Variants in CCDC141 observed in about 807,000 individuals in gnomAD.
CCDC141 encodes the protein coiled-coil domain-containing protein 141.
CCDC141 carries 168 observed loss-of-function variants against 181.0 expected under a neutral mutation model. The observed-to-expected ratio is 0.93, with a 90% confidence interval of 0.82 to 1.05. The LOEUF (loss-of-function observed/expected upper bound fraction) is 1.05, where lower values mean the gene tolerates loss of function less well. Ranked by LOEUF, CCDC141 falls within the 50% of genes least tolerant of loss-of-function variation. CCDC141 has a pLI of 0.00. For synonymous variants in CCDC141, 666 were observed against 642.3 expected, an observed-to-expected ratio of 1.04 and a Z score of -0.56; for missense variants, 1,902 against 1,788.5, an observed-to-expected ratio of 1.06 and a Z score of -1.14.
Position 178,850,064 on chromosome 2 carries a change from G to T in CCDC141, c.3342C>A (p.Leu1114=). The part of the protein sequence containing the change: ...VTELCESLTE[L]EEKLKQGDVL... ...AAGAAATTACCTTCAGTTTTTCTTC[G>T]AGCTCTGTGAGGGACTCACATAATT... Residue 1114 remains leucine, a synonymous_variant, in exon 21 of 24, where the codon CTC becomes CTA. Transcript: ENST00000443758. 1 of 1,575,504 alleles carries T rather than the reference G, an allele frequency of 6.3e-7. No individual in the cohort carries two copies. Among genetic ancestry groups the T allele is most frequent in the Non-Finnish European group, 8.6e-7 (1 of 1,157,828 alleles).
chr2:178,866,434 C>G (rs1457682459), intron 16 of CCDC141, among the ~76,000 whole-genome samples: 1 of 152,208 alleles, frequency 6.6e-6, no homozygotes, highest in African/African-American at 2.4e-5. Context: ...ATAAAATAAA[C>G]TCTTTAAAAA....
chr2:178,970,061 C>A (rs971372950), intron 4 of CCDC141, among the ~76,000 whole-genome samples: 1 of 152,174 alleles, frequency 6.6e-6, no homozygotes, highest in Non-Finnish European at 1.5e-5. Context: ...ATCCAACTTA[C>A]AAGGGATGTG....
rs556665927 is a variant in CCDC141 at position 179,030,547 on chromosome 2, C to G, written c.225+16737G>C. On this transcript the variant is annotated intron_variant, in intron 2 of 23. Coordinates refer to ENST00000443758, the MANE Select transcript of CCDC141 (RefSeq NM_173648.4). Reference sequence around the variant, plus strand: ...CATTAATGCTCCCAGAATTTGTAAACAGACAATTCACCATTTAATTACTGT... The same window carrying G: ...CATTAATGCTCCCAGAATTTGTAAAGAGACAATTCACCATTTAATTACTGT... Among the ~76,000 whole-genome samples the G allele has an allele frequency of 1.6e-4, 25 of 152,128 alleles. No homozygotes were observed. The South Asian group carries it at 4.4e-3, about 26-fold the overall frequency.
At chr2:178,873,751 T>C (rs539926635) in intron 12 of CCDC141, 1 of 152,342 alleles carries the variant, frequency 6.6e-6, no homozygotes, top group East Asian at 1.9e-4. Flanking sequence ...CTCATTTTAC[T>C]TCTGTGTAGG....
At chr2:179,035,623 TTGAC>T (rs2043124403) in intron 2 of CCDC141, among the ~76,000 whole-genome samples, 1 of 152,188 alleles carries the variant, frequency 6.6e-6, no homozygotes, top group South Asian at 2.1e-4. Flanking sequence ...TGGAAGTTGA[TTGAC>T]TGTTGGATTT....
At chr2:178,904,417 C>G (rs956243182) in intron 8 of CCDC141, among the ~76,000 whole-genome samples, 2 of 152,156 alleles carry the variant, frequency 1.3e-5, no homozygotes, top group African/African-American at 4.8e-5. Flanking sequence ...GTTACCAAAT[C>G]AACACCTTTA....
At chr2:178,904,277 C>T (rs1330164747) in intron 8 of CCDC141, among the ~76,000 whole-genome samples, 1 of 152,114 alleles carries the variant, frequency 6.6e-6, no homozygotes, top group Non-Finnish European at 1.5e-5. Context: ...TATTGGAAGA[C>T]CTTGGATTAT....
At chr2:178,932,479 G>A (rs576586686) in intron 6 of CCDC141, among the ~76,000 whole-genome samples, 142 of 152,142 alleles carry the variant, frequency 9.3e-4, no homozygotes, top group Non-Finnish European at 1.6e-3. Flanking sequence ...ATATCTACAC[G>A]GTTTGGTAAC....
intron 8 of CCDC141, among the ~76,000 whole-genome samples, chr2:178,897,287 C>A (rs535737248): frequency 5.3e-5 from 8 of 152,262 alleles, no homozygotes; most frequent in Admixed American, 1.3e-4. Flanking sequence ...TTGGAAACAA[C>A]TGATTTACAA....
At chr2:178,962,847 C>T (rs1690466663) in intron 4 of CCDC141, among the ~76,000 whole-genome samples, 1 of 152,130 alleles carries the variant, frequency 6.6e-6, no homozygotes, top group Non-Finnish European at 1.5e-5. Context: ...TTAAATTCCT[C>T]ACACATGCTA....
At chr2:178,898,997 T>C (rs1348575247) in intron 8 of CCDC141, among the ~76,000 whole-genome samples, 1 of 152,116 alleles carries the variant, frequency 6.6e-6, no homozygotes, top group African/African-American at 2.4e-5. Flanking sequence ...ACAACCATAT[T>C]ACCCTCAGTA....
In CCDC141 at chr2:179,007,300, T is replaced by C. The variant is rs531542812; in HGVS notation, c.226-28625A>G. ...ACAGTATTCCTGTATTCAGCCTTCT[T>C]CTAACTTGGTCTCCTACTTATGCAA... On this transcript the variant is annotated intron_variant, in intron 2 of 23. Transcript: ENST00000443758. 1.3e-5 allele frequency among the ~76,000 whole-genome samples: 2 copies of C among 152,306 alleles called. 1 individual carries two copies. Among genetic ancestry groups the C allele is most frequent in the South Asian group, 4.2e-4 (2 of 4,800 alleles).
chr2:178,871,984 C>T (rs1686137725), intron 13 of CCDC141, 149 bp downstream of exon 13: 1 of 768,122 alleles, frequency 1.3e-6, no homozygotes, highest in Non-Finnish European at 2.0e-6. Flanking sequence ...ATGAGTTTGA[C>T]TACAGGGACC....
At chr2:178,922,658 G>A (rs953396669) in intron 6 of CCDC141, among the ~76,000 whole-genome samples, 1 of 152,132 alleles carries the variant, frequency 6.6e-6, no homozygotes, top group African/African-American at 2.4e-5. Flanking sequence ...TTAGCAACTG[G>A]ACCAAAATAA....
chr2:178,920,438 A>C (rs1056276639), intron 6 of CCDC141, among the ~76,000 whole-genome samples: 3 of 152,040 alleles, frequency 2.0e-5, no homozygotes, highest in Non-Finnish European at 4.4e-5. Context: ...GAAAGAATAA[A>C]ATGGCTTGTG....
intron 5 of CCDC141, among the ~76,000 whole-genome samples, chr2:178,958,702 AT>A: frequency 2.2e-5 from 1 of 44,746 alleles, no homozygotes; most frequent in African/African-American, 6.3e-5. Flanking sequence ...TTTTCAGGTG[AT>A]TTTTTCCCCT....
At chr2:178,853,152 T>C (rs559354717) in intron 20 of CCDC141, among the ~76,000 whole-genome samples, 1 of 152,192 alleles carries the variant, frequency 6.6e-6, no homozygotes, top group African/African-American at 2.4e-5. Flanking sequence ...ATTGTTCTGG[T>C]GTTATTACCC....
intron 2 of CCDC141, among the ~76,000 whole-genome samples, chr2:179,044,429 G>A (rs1229923431): frequency 6.6e-6 from 1 of 152,148 alleles, no homozygotes; most frequent in Non-Finnish European, 1.5e-5. Flanking sequence ...CCCTTTTCTA[G>A]CTAAGCTACT....
intron 7 of CCDC141, among the ~76,000 whole-genome samples, chr2:178,909,172 C>G (rs563483001): frequency 1.2e-4 from 18 of 152,236 alleles, no homozygotes; most frequent in Admixed American, 9.8e-4. Flanking sequence ...AGTATTACTT[C>G]CTAATAAAAT....
Sources: allele counts gnomAD v4.1 joint callset (sites outside exome capture counted in the v4.1 genomes callset), GRCh38; gene constraint gnomAD v4.1.1; transcripts MANE v1.5; gene names NCBI Gene and HGNC (gene_info 2026-07-23, HGNC 2026-07-21).